Variants in SLC4A4 observed in about 807,000 individuals in gnomAD.
SLC4A4 encodes the protein solute carrier family 4 member 4, also known as electrogenic sodium bicarbonate cotransporter 1.
A neutral mutation model predicts 111.5 loss-of-function variants in SLC4A4; 27 were observed. The observed-to-expected ratio is 0.24, with a 90% CI of 0.18 to 0.33. SLC4A4 has a LOEUF of 0.33. SLC4A4 is among the 10% of genes least tolerant of loss of function. SLC4A4 has a pLI of 1.00. For missense variants in SLC4A4, 909 were observed against 1,315.5 expected, an observed-to-expected ratio of 0.69 and a Z score of 4.78; for synonymous variants, 443 against 463.4, an observed-to-expected ratio of 0.96 and a Z score of 0.57.
chr4:71,347,233 C>A (rs182769500), intron 4 of SLC4A4, among the ~76,000 whole-genome samples: 1 of 152,208 alleles, frequency 6.6e-6, no homozygotes, highest in East Asian at 1.9e-4. Flanking sequence ...AAAAGATGGA[C>A]CACAAAGAAC....
intron 8 of SLC4A4, 29 bp from the exon 9 acceptor site, chr4:71,447,617 T>A: frequency 7.4e-7 from 1 of 1,354,090 alleles, no homozygotes. Context: ...ATGTGTGTTA[T>A]AGCCTTTGCT....
rs553539448 is a variant in SLC4A4 at position 71,495,944 on chromosome 4, C to T, written c.1975-1557C>T. On this transcript the variant is annotated intron_variant, in intron 15 of 25. Transcript: ENST00000264485. ...ATAGGTACAATTTTGAAAATCTCTTCCCAGGAAAGAGCCAGATTGTCACAG... is the reference window on the plus strand; with the variant it reads ...ATAGGTACAATTTTGAAAATCTCTTTCCAGGAAAGAGCCAGATTGTCACAG... Among the ~76,000 whole-genome samples, 85 of 152,088 alleles carry T rather than the reference C, an allele frequency of 5.6e-4. 1 individual carries two copies. The highest frequency in any genetic ancestry group is 9.7e-4 in the Non-Finnish European group (66 of 67,982).
At chr4:71,327,429 G>GTCAT (rs1487385077) in intron 3 of SLC4A4, among the ~76,000 whole-genome samples, 5 of 152,010 alleles carry the variant, frequency 3.3e-5, no homozygotes, top group Non-Finnish European at 5.9e-5. Flanking sequence ...TGGGTTTGAA[G>GTCAT]TCATATCACT....
intron 11 of SLC4A4, among the ~76,000 whole-genome samples, chr4:71,452,267 C>G (rs867385753): frequency 6.6e-6 from 1 of 152,098 alleles, no homozygotes; most frequent in East Asian, 1.9e-4. Flanking sequence ...AATCTTCTCT[C>G]CTCTCCTCCC....
chr4:71,274,713 A>G (rs189952404), intron 3 of SLC4A4, among the ~76,000 whole-genome samples: 59 of 152,262 alleles, frequency 3.9e-4, no homozygotes, highest in African/African-American at 1.2e-3. Flanking sequence ...GCCTTTTACT[A>G]GCTCTTTGAC....
At chr4:71,143,228 T>C (rs1027753016) in intron 2 of SLC4A4, among the ~76,000 whole-genome samples, 3 of 152,162 alleles carry the variant, frequency 2.0e-5, no homozygotes, top group African/African-American at 7.2e-5. Flanking sequence ...GATAGTTTGC[T>C]GAGAGTGATG....
intron 7 of SLC4A4, among the ~76,000 whole-genome samples, chr4:71,419,066 G>A (rs1722101777): frequency 6.6e-6 from 1 of 152,182 alleles, no homozygotes. Flanking sequence ...TTGTCTCAGA[G>A]GAGTACCCGG....
chr4:71,064,012 G>A (rs1203515314), intron 1 of SLC4A4, among the ~76,000 whole-genome samples: 2 of 152,052 alleles, frequency 1.3e-5, no homozygotes, highest in Admixed American at 6.6e-5. Context: ...ATTACACACT[G>A]TATGTCTGTA....
intron 16 of SLC4A4, among the ~76,000 whole-genome samples, chr4:71,523,866 A>G (rs1560585953): frequency 6.6e-6 from 1 of 152,162 alleles, no homozygotes; most frequent in Non-Finnish European, 1.5e-5. Context: ...TAGAGGTTCA[A>G]GGAATGTTGA....
chr4:71,458,402 T>C (rs1270587275), intron 12 of SLC4A4, among the ~76,000 whole-genome samples: 1 of 152,124 alleles, frequency 6.6e-6, no homozygotes, highest in Non-Finnish European at 1.5e-5. Context: ...AAATCTACAT[T>C]GTTGATTGTG....
At chr4:71,127,808 T>C (rs1743598475) in intron 2 of SLC4A4, among the ~76,000 whole-genome samples, 1 of 152,214 alleles carries the variant, frequency 6.6e-6, no homozygotes, top group Admixed American at 6.5e-5. Flanking sequence ...AAGTCTTTAC[T>C]GATAAGATGT....
chr4:71,106,328 T>C (rs1322044629), intron 2 of SLC4A4, among the ~76,000 whole-genome samples: 5 of 151,252 alleles, frequency 3.3e-5, no homozygotes, highest in Admixed American at 2.0e-4. Context: ...GTTGGTGGGA[T>C]TGTAAACTAG....
At chr4:71,310,424 AG>A (rs1726044796) in intron 3 of SLC4A4, among the ~76,000 whole-genome samples, 1 of 152,208 alleles carries the variant, frequency 6.6e-6, no homozygotes, top group Admixed American at 6.5e-5. Context: ...AGAATGTTAA[AG>A]GGCAGCCAGA....
chr4:71,558,776 CA>C (rs1489987635), intron 22 of SLC4A4, among the ~76,000 whole-genome samples: 1 of 151,522 alleles, frequency 6.6e-6, no homozygotes, highest in Non-Finnish European at 1.5e-5. Context: ...TCCAAGGATG[CA>C]AGAAAAAATG....
intron 1 of SLC4A4, among the ~76,000 whole-genome samples, chr4:71,075,957 CTAAATAAA>C (rs66711227): frequency 0.1 from 14,665 of 140,166 alleles, 1,111 homozygotes; most frequent in African/African-American, 0.21. Context: ...GACTCCATCT[CTAAATAAA>C]TAAATAAATA....
At chr4:71,482,111 A>G (rs1447028426) in intron 14 of SLC4A4, among the ~76,000 whole-genome samples, 2 of 151,674 alleles carry the variant, frequency 1.3e-5, no homozygotes, top group Non-Finnish European at 3.0e-5. Context: ...ATGGTAACCA[A>G]CGGTTCTTGT....
chr4:71,422,071 A>G (rs1203619787), intron 7 of SLC4A4, among the ~76,000 whole-genome samples: 46 of 150,310 alleles, frequency 3.1e-4, no homozygotes, highest in African/African-American at 1.1e-3. Context: ...AAGGATCAAC[A>G]AAATTGATAG....
intron 6 of SLC4A4, among the ~76,000 whole-genome samples, chr4:71,373,660 G>T (rs1216895794): frequency 1.3e-5 from 2 of 152,184 alleles, no homozygotes; most frequent in African/African-American, 2.4e-5. Flanking sequence ...TTTTAGTACG[G>T]AGATAGCATG....
At chr4:71,153,170 G>A (rs1250766616) in intron 2 of SLC4A4, among the ~76,000 whole-genome samples, 2 of 151,796 alleles carry the variant, frequency 1.3e-5, no homozygotes, top group Non-Finnish European at 2.9e-5. Context: ...GAAGAACCTG[G>A]AGTCTGATGT....
Sources: allele counts gnomAD v4.1 joint callset (sites outside exome capture counted in the v4.1 genomes callset), GRCh38; gene constraint gnomAD v4.1.1; transcripts MANE v1.5; gene names NCBI Gene and HGNC (gene_info 2026-07-23, HGNC 2026-07-21).